ALK: variants seen among roughly 807,000 people sequenced by gnomAD.
The protein encoded by ALK is ALK tyrosine kinase receptor.
Under a neutral mutation model 163.1 loss-of-function variants are expected in ALK, and 74 were observed. The ratio of observed to expected loss-of-function variants is 0.45; its 90% CI spans 0.38 to 0.55. ALK has a LOEUF of 0.55. Ranked by LOEUF, ALK falls within the 20% of genes least tolerant of loss-of-function variation. The probability of loss-of-function intolerance (pLI) is 0.00; values close to 1 mark genes in which losing one functional copy is unlikely to be tolerated. For synonymous variants in ALK, 960 were observed against 843.2 expected (o/e 1.14, Z -2.40); for missense variants, 2,063 against 2,105.3 (o/e 0.98, Z 0.39).
At chr2:29,519,292 T>C (rs1270047439) in intron 4 of ALK, among the ~76,000 whole-genome samples, 1 of 152,132 alleles carries the variant, frequency 6.6e-6, no homozygotes, top group Non-Finnish European at 1.5e-5. Context: ...TTGCATTGTT[T>C]TGGGGTAGGG....
chr2:29,320,952 G>A (rs930561336), intron 6 of ALK, 70 bp from the exon 7 acceptor site: 8 of 1,601,856 alleles, frequency 5.0e-6, no homozygotes, highest in East Asian at 2.2e-5. Context: ...ATGCCAAGTC[G>A]AATTAGCCAG....
intron 4 of ALK, among the ~76,000 whole-genome samples, chr2:29,463,539 A>G (rs934795890): frequency 6.6e-6 from 1 of 152,224 alleles, no homozygotes. Context: ...TGAACAACAG[A>G]CAGCACAAGA....
At chr2:29,354,773 T>C (rs115862943) in intron 5 of ALK, among the ~76,000 whole-genome samples, 13,205 of 150,020 alleles carry the variant, frequency 0.088, 626 homozygotes, top group Middle Eastern at 0.14. Flanking sequence ...TTTTCTTTTT[T>C]TTTTTTTTTT....
chr2:29,862,536 T>C (rs1002969762), intron 1 of ALK, among the ~76,000 whole-genome samples: 4 of 152,064 alleles, frequency 2.6e-5, no homozygotes, highest in African/African-American at 9.7e-5. Context: ...TATGATAGCA[T>C]TAAAAAACCT....
intron 24 of ALK, among the ~76,000 whole-genome samples, chr2:29,213,544 C>T (rs1330468984): frequency 6.6e-6 from 1 of 152,134 alleles, no homozygotes; most frequent in Non-Finnish European, 1.5e-5. Context: ...TGATATAGGA[C>T]TTGAACATTC....
chr2:29,916,805 T>C (rs1443225066), intron 1 of ALK, among the ~76,000 whole-genome samples: 1 of 152,162 alleles, frequency 6.6e-6, no homozygotes, highest in Non-Finnish European at 1.5e-5. Context: ...TAAGCCAGGA[T>C]ACAAACTGGA....
intron 3 of ALK, among the ~76,000 whole-genome samples, chr2:29,669,569 T>G (rs1383997747): frequency 6.6e-6 from 1 of 152,072 alleles, no homozygotes; most frequent in Non-Finnish European, 1.5e-5. Context: ...CTATGCCTTT[T>G]AATTAGAGAA....
At chr2:29,639,136 C>T (rs769533938) in intron 3 of ALK, among the ~76,000 whole-genome samples, 1 of 152,178 alleles carries the variant, frequency 6.6e-6, no homozygotes, top group African/African-American at 2.4e-5. Context: ...AGCTTTCACA[C>T]AGAATTTCAG....
chr2:29,219,593 T>C (rs1402942918), intron 23 of ALK, among the ~76,000 whole-genome samples: 5 of 152,224 alleles, frequency 3.3e-5, no homozygotes. Flanking sequence ...CCTTGGGGCC[T>C]GCTCAGCTCC....
intron 3 of ALK, among the ~76,000 whole-genome samples, chr2:29,637,331 T>C (rs917517230): frequency 1.3e-5 from 2 of 152,144 alleles, no homozygotes; most frequent in African/African-American, 2.4e-5. Flanking sequence ...AAAGCCAAGT[T>C]CAACAGGTTT....
intron 6 of ALK, among the ~76,000 whole-genome samples, chr2:29,323,745 G>A (rs934585556): frequency 6.6e-6 from 1 of 152,148 alleles, no homozygotes; most frequent in African/African-American, 2.4e-5. Context: ...CACCACTAAG[G>A]CCAATTGCTG....
chr2:29,855,880 C>A (rs1460927921), intron 1 of ALK, among the ~76,000 whole-genome samples: 1 of 152,154 alleles, frequency 6.6e-6, no homozygotes, highest in African/African-American at 2.4e-5. Context: ...ATAGAATCAT[C>A]AAATTTTAAA....
chr2:29,392,089 G>A (rs1157262287), intron 4 of ALK, among the ~76,000 whole-genome samples: 7 of 152,200 alleles, frequency 4.6e-5, no homozygotes, highest in African/African-American at 7.2e-5. Flanking sequence ...GATCTTATAA[G>A]AAGGTGAAAT....
intron 8 of ALK, among the ~76,000 whole-genome samples, chr2:29,307,417 T>G (rs1183384356): frequency 6.6e-6 from 1 of 152,214 alleles, no homozygotes; most frequent in Non-Finnish European, 1.5e-5. Context: ...TTAACAGAGA[T>G]GCTCAAAGAT....
intron 3 of ALK, among the ~76,000 whole-genome samples, chr2:29,547,988 A>G (rs1673601406): frequency 6.6e-6 from 1 of 152,230 alleles, no homozygotes; most frequent in African/African-American, 2.4e-5. Flanking sequence ...TGTTCATCTG[A>G]AACTCACATT....
intron 2 of ALK, among the ~76,000 whole-genome samples, chr2:29,702,556 AG>A (rs1678774955): frequency 6.6e-6 from 1 of 152,236 alleles, no homozygotes; most frequent in Admixed American, 6.5e-5. Flanking sequence ...AATAAAGCCC[AG>A]GGCTTAAAGT....
rs1400393799 is a variant in ALK, at chr2:29,506,579, T to C, written c.1154+25336A>G. On this transcript the variant is annotated intron_variant, in intron 4 of 28. Transcript: ENST00000389048. The stretch of plus-strand genomic sequence containing the variant: ...GGCCAACACGGTGAAACCCCATCTT[T>C]ACTAAAAATACAAAAAATTAGCCAG... Among the ~76,000 whole-genome samples, 4 of 152,000 alleles carry C rather than the reference T, an allele frequency of 2.6e-5. No individual in the cohort carries two copies. The East Asian group carries it at 5.8e-4, about 22-fold the overall frequency.
At chr2:29,363,398 A>G (rs948674279) in intron 5 of ALK, among the ~76,000 whole-genome samples, 1 of 152,128 alleles carries the variant, frequency 6.6e-6, no homozygotes, top group Non-Finnish European at 1.5e-5. Flanking sequence ...CGCCTTTCTG[A>G]GCTCACAGCC....
intron 1 of ALK, among the ~76,000 whole-genome samples, chr2:29,834,611 T>C (rs1206523629): frequency 6.6e-6 from 1 of 152,062 alleles, no homozygotes; most frequent in Admixed American, 6.6e-5. Context: ...GATGAAAAAC[T>C]GAGATTGCAA....
Sources: allele counts gnomAD v4.1 joint callset (sites outside exome capture counted in the v4.1 genomes callset), GRCh38; gene constraint gnomAD v4.1.1; transcripts MANE v1.5; gene names NCBI Gene and HGNC (gene_info 2026-07-23, HGNC 2026-07-21).